GABRG3: variants seen among roughly 807,000 people sequenced by gnomAD.
The protein encoded by GABRG3 is gamma-aminobutyric acid receptor subunit gamma-3.
Under a neutral mutation model 48.8 loss-of-function variants are expected in GABRG3, and 25 were observed. That is an observed-to-expected ratio of 0.51 (90% CI 0.37 to 0.72). GABRG3 has a LOEUF of 0.72. Among genes scored for constraint, GABRG3 ranks in the 30% least tolerant of loss-of-function variants. GABRG3 has a pLI of 0.00. For missense variants in GABRG3, 394 were observed against 577.9 expected (o/e 0.68, Z 3.26); for synonymous variants, 227 against 217.6 (o/e 1.04, Z -0.38).
At chr15:27,434,879 C>T (rs1008930841) in intron 5 of GABRG3, among the ~76,000 whole-genome samples, 3 of 152,134 alleles carry the variant, frequency 2.0e-5, no homozygotes, top group Non-Finnish European at 2.9e-5. Context: ...AGCTGGAGTC[C>T]GACTGAAGGT....
intron 5 of GABRG3, among the ~76,000 whole-genome samples, chr15:27,425,757 T>C (rs1221625079): frequency 6.6e-6 from 1 of 152,236 alleles, no homozygotes; most frequent in Non-Finnish European, 1.5e-5. Context: ...TACTTCTCCT[T>C]GGAGAATGTA....
chr15:27,186,510 G>T (rs12101346), intron 3 of GABRG3, among the ~76,000 whole-genome samples: 90,261 of 151,950 alleles, frequency 0.59, 27,575 homozygotes, highest in East Asian at 0.81. Context: ...GAATGATTTA[G>T]TTTCCTTTGG....
intron 5 of GABRG3, among the ~76,000 whole-genome samples, chr15:27,400,170 T>C (rs563787090): frequency 2.8e-4 from 42 of 152,356 alleles, no homozygotes; most frequent in African/African-American, 1.0e-3. Flanking sequence ...CATTTCTTTT[T>C]CCTCTACCTA....
rs75176519 is a variant in GABRG3, at chr15:27,457,486, T to C, written c.575-23164T>C. Among the ~76,000 whole-genome samples the C allele has an allele frequency of 0.012, 1,764 of 152,276 alleles. 19 individuals carry two copies. Among genetic ancestry groups the C allele is most frequent in the Middle Eastern group, 0.027 (8 of 294 alleles). Reference sequence around the variant, plus strand: ...CACATTTCTTTCTTGAGATAAACAATCTTTTAACACAGCAATGGGTCTGGG... The same window carrying C: ...CACATTTCTTTCTTGAGATAAACAACCTTTTAACACAGCAATGGGTCTGGG... On this transcript the variant is annotated intron_variant, in intron 5 of 9. Transcript: ENST00000615808. This position sits in a 1 kb window ranked among gnomAD's most constrained non-coding sequence, Gnocchi z 4.4.
chr15:27,336,959 G>A (rs1365027268), intron 5 of GABRG3, among the ~76,000 whole-genome samples: 1 of 152,186 alleles, frequency 6.6e-6, no homozygotes, highest in Non-Finnish European at 1.5e-5. Context: ...AAAATAAGCA[G>A]GAAGTGAGAG....
intron 5 of GABRG3, among the ~76,000 whole-genome samples, chr15:27,343,487 G>A (rs1894260686): frequency 6.6e-6 from 1 of 152,160 alleles, no homozygotes; most frequent in South Asian, 2.1e-4. Flanking sequence ...AAAAAAGTTT[G>A]GCCTTGTTGA....
chr15:27,171,929 G>A lies in GABRG3; in HGVS notation c.270+145108G>A, dbSNP rs563893027. On this transcript the variant is annotated intron_variant, in intron 3 of 9. Coordinates refer to ENST00000615808, the MANE Select transcript of GABRG3 (RefSeq NM_033223.5). ...TTTTTGGAGGCTGGAAAGTCCAAGA[G>A]CATGGTGCTGGCATCTGGTGAGAGT... is the stretch of plus-strand genomic sequence containing the variant. Among the ~76,000 whole-genome samples the A allele has an allele frequency of 2.6e-5, 4 of 152,276 alleles. No homozygotes were observed. The East Asian group carries it at 5.8e-4, about 22-fold the overall frequency.
At position 27,124,043 on chromosome 15, in the gene GABRG3, T is replaced by C. The variant is rs1171819085; in HGVS notation, c.270+97222T>C. Among the ~76,000 whole-genome samples the C allele has an allele frequency of 2.6e-5, 4 of 152,104 alleles. No individual in the cohort carries two copies. The East Asian group carries it at 7.7e-4, about 29-fold the overall frequency. On this transcript the variant is annotated intron_variant, in intron 3 of 9. Coordinates refer to ENST00000615808, the MANE Select transcript of GABRG3 (RefSeq NM_033223.5). ...TAGTGGGCTGAATTAAATTCCAGAT[T>C]GGTAGAGGGGTGTTTGGAGGGCAGC...
chr15:27,363,288 G>T (rs1288048316), intron 5 of GABRG3: 1 of 152,160 alleles, frequency 6.6e-6, no homozygotes, highest in Non-Finnish European at 1.5e-5. Context: ...ATGTTAAGGG[G>T]TCAGAAATGG....
In GABRG3 at chr15:27,532,688, G is replaced by C. The variant is rs748995647; in HGVS notation, c.1211G>C (p.Cys404Ser). Reference sequence around the variant, plus strand: ...TACTGGCAGGAATTTGAAGATACCTGTGTCTATGAGTGTCTGGATGGCAAA... The same window carrying C: ...TACTGGCAGGAATTTGAAGATACCTCTGTCTATGAGTGTCTGGATGGCAAA... ...SVYWQEFEDT[C>S]VYECLDGKDC... The change falls in exon 10 of 10, where the codon TGT becomes TCT. Residue 404 changes from cysteine (C) to serine (S), a missense_variant. This residue lies in a region of GABRG3 where 126 missense variants were observed against 155.5 expected (regional missense o/e 0.81). Transcript: ENST00000615808. 2.5e-6 allele frequency: 4 copies of C among 1,613,986 alleles called. No individual in the cohort carries two copies. The highest frequency in any genetic ancestry group is 3.4e-6 in the Non-Finnish European group (4 of 1,179,886).
At chr15:27,004,427 G>T (rs1175615311) in intron 2 of GABRG3, among the ~76,000 whole-genome samples, 1 of 150,830 alleles carries the variant, frequency 6.6e-6, no homozygotes, top group Non-Finnish European at 1.5e-5. Flanking sequence ...TCCTAGATGG[G>T]ATGGCGGCCG....
chr15:27,039,561 A>AGTG (rs1470144148), intron 3 of GABRG3, among the ~76,000 whole-genome samples: 1 of 152,156 alleles, frequency 6.6e-6, no homozygotes, highest in Non-Finnish European at 1.5e-5. Flanking sequence ...ACAAGCATGA[A>AGTG]GTGTTATGAA....
intron 6 of GABRG3, among the ~76,000 whole-genome samples, chr15:27,505,594 A>G (rs1295214677): frequency 6.6e-6 from 1 of 152,140 alleles, no homozygotes; most frequent in Non-Finnish European, 1.5e-5. Flanking sequence ...ATGTTGAGTT[A>G]CATTGATTGA....
chr15:27,293,197 G>A (rs952232502), intron 3 of GABRG3, among the ~76,000 whole-genome samples: 1 of 152,178 alleles, frequency 6.6e-6, no homozygotes, highest in Admixed American at 6.5e-5. Context: ...TGGTGGATGA[G>A]TGTGAGATGT....
In GABRG3 at chr15:27,533,819, G is replaced by T. The variant is rs1197786093; in HGVS notation, c.*938G>T. 3.3e-5 allele frequency: 5 copies of T among 152,088 alleles called. No homozygotes were observed. Among genetic ancestry groups the T allele is most frequent in the African/African-American group, 9.7e-5 (4 of 41,438 alleles). The allele number at this position is 152,088 out of a possible 1,614,324, so 9.4% of individuals were successfully genotyped here. ...ACATACACCGGAATGTGAAAGACAT[G>T]TAGATAAAATTTTATTTTTATTTTA... On this transcript the variant is annotated 3_prime_UTR_variant, in exon 10 of 10. Coordinates refer to ENST00000615808, the MANE Select transcript of GABRG3 (RefSeq NM_033223.5).
intron 3 of GABRG3, among the ~76,000 whole-genome samples, chr15:27,143,484 TATTTG>T (rs1430524616): frequency 1.3e-5 from 2 of 152,362 alleles, no homozygotes; most frequent in East Asian, 1.9e-4. Context: ...GGTTGACATT[TATTTG>T]ATTTATCAAA....
chr15:27,357,208 C>T (rs1894870919), intron 5 of GABRG3, among the ~76,000 whole-genome samples: 1 of 152,180 alleles, frequency 6.6e-6, no homozygotes, highest in Admixed American at 6.5e-5. Context: ...ACTAGCCCTT[C>T]TTGCACTTCC....
chr15:27,481,524 G>C (rs1890101019), intron 6 of GABRG3, among the ~76,000 whole-genome samples: 1 of 151,966 alleles, frequency 6.6e-6, no homozygotes, highest in African/African-American at 2.4e-5. Flanking sequence ...AATTTGTTGG[G>C]TCTTCAAATT....
intron 5 of GABRG3, among the ~76,000 whole-genome samples, chr15:27,353,827 A>G (rs1294657964): frequency 6.6e-6 from 1 of 152,078 alleles, no homozygotes; most frequent in Non-Finnish European, 1.5e-5. Flanking sequence ...TCTTTGTGTA[A>G]ACTAGTACCC....
Sources: allele counts gnomAD v4.1 joint callset (sites outside exome capture counted in the v4.1 genomes callset), GRCh38; gene constraint gnomAD v4.1.1; regional missense constraint gnomAD v4.1.1; non-coding constraint Gnocchi (gnomAD v3.1); transcripts MANE v1.5; gene names NCBI Gene and HGNC (gene_info 2026-07-23, HGNC 2026-07-21).